FBXW7: variants seen among roughly 807,000 people sequenced by gnomAD.
FBXW7 encodes the protein F-box and WD repeat domain containing 7.
In FBXW7, 11 loss-of-function variants were observed where a neutral mutation model predicts 86.3. The ratio of observed to expected loss-of-function variants is 0.13; its 90% CI spans 0.08 to 0.21. FBXW7 has a LOEUF of 0.21. Ranked by LOEUF, FBXW7 falls within the 10% of genes least tolerant of loss-of-function variation. The probability of loss-of-function intolerance (pLI) is 1.00; values close to 1 mark genes in which losing one functional copy is unlikely to be tolerated. For missense variants in FBXW7, 488 were observed against 847.4 expected, an observed-to-expected ratio of 0.58 and a Z score of 5.27; for synonymous variants, 313 against 297.9, an observed-to-expected ratio of 1.05 and a Z score of -0.52.
intron 4 of FBXW7, among the ~76,000 whole-genome samples, chr4:152,410,478 T>A (rs1222333517): frequency 1.3e-5 from 2 of 152,150 alleles, no homozygotes; most frequent in African/African-American, 4.8e-5. Context: ...GCCAGCTAAA[T>A]AAAATCTGAC....
intron 4 of FBXW7, among the ~76,000 whole-genome samples, chr4:152,354,854 C>T (rs2126673668): frequency 6.6e-6 from 1 of 152,202 alleles, no homozygotes; most frequent in South Asian, 2.1e-4. Context: ...ACAAAAAATT[C>T]TACACTGAGA....
chr4:152,445,559 A>G (rs960287030), intron 2 of FBXW7, among the ~76,000 whole-genome samples: 15 of 152,314 alleles, frequency 9.8e-5, no homozygotes, highest in Middle Eastern at 3.4e-3. Flanking sequence ...CAGTTCTCTC[A>G]TCTTTAAAAA....
chr4:152,401,591 A>G (rs1455428260), intron 4 of FBXW7, among the ~76,000 whole-genome samples: 1 of 152,190 alleles, frequency 6.6e-6, no homozygotes, highest in African/African-American at 2.4e-5. Flanking sequence ...ACCATTCTCT[A>G]TGGTACTACA....
At chr4:152,371,615 A>T (rs1734011157) in intron 4 of FBXW7, among the ~76,000 whole-genome samples, 1 of 152,036 alleles carries the variant, frequency 6.6e-6, no homozygotes, top group African/African-American at 2.4e-5. Context: ...TCACCAAATG[A>T]TTTAGAAATG....
Position 152,320,625 on chromosome 4 carries a change from G to A in FBXW7, c.*2256C>T, listed in dbSNP as rs1728502665. ...AAATTTAGATTTGTTGAACAAAACG[G>A]CTACAGAACAGTCAGAAAGTACCAG... is the stretch of plus-strand genomic sequence containing the variant. On this transcript the variant is annotated 3_prime_UTR_variant, in exon 14 of 14. Coordinates refer to ENST00000281708, the MANE Select transcript of FBXW7 (RefSeq NM_001349798.2). 3 of 152,016 alleles carry A rather than the reference G, an allele frequency of 2.0e-5. No homozygotes were observed. The South Asian group carries it at 6.3e-4, about 32-fold the overall frequency. 9.4% of individuals were successfully genotyped at this position (152,016 alleles called of 1,614,324 possible).
intron 4 of FBXW7, among the ~76,000 whole-genome samples, chr4:152,397,971 C>T (rs1736569808): frequency 1.3e-5 from 2 of 151,942 alleles, no homozygotes; most frequent in Non-Finnish European, 2.9e-5. Flanking sequence ...CATACTTATA[C>T]TTCCAAAGCA....
At chr4:152,467,534 T>A (rs1298374515) in intron 2 of FBXW7, among the ~76,000 whole-genome samples, 2 of 152,182 alleles carry the variant, frequency 1.3e-5, no homozygotes, top group African/African-American at 2.4e-5. Context: ...TTCACAAGAC[T>A]AATATCAATA....
At chr4:152,485,163 AAAAG>A (rs1745232396) in intron 2 of FBXW7, among the ~76,000 whole-genome samples, 1 of 152,068 alleles carries the variant, frequency 6.6e-6, no homozygotes, top group Non-Finnish European at 1.5e-5. Context: ...AAAAAAGAGT[AAAAG>A]AAAAACATAT....
intron 6 of FBXW7, 69 bp from the exon 7 acceptor site, chr4:152,338,005 ACT>A (rs1730331945): frequency 6.8e-7 from 1 of 1,472,042 alleles, no homozygotes; most frequent in Admixed American, 2.1e-5. Context: ...ATAAAGGAAA[ACT>A]CACATCTACA....
intron 2 of FBXW7, among the ~76,000 whole-genome samples, chr4:152,419,497 ACACAC>A (rs1560874936): frequency 4.1e-4 from 60 of 145,220 alleles, no homozygotes; most frequent in South Asian, 6.5e-4. Context: ...TAAGGTAAAC[ACACAC>A]ACACACACAC....
chr4:152,347,118 A>G, intron 5 of FBXW7, 47 bp from the exon 6 acceptor site: 3 of 1,530,648 alleles, frequency 2.0e-6, no homozygotes, highest in Non-Finnish European at 2.7e-6. Context: ...AAGGAAAAAA[A>G]CAAAAGTGAA....
At chr4:152,491,498 G>A (rs562896413) in intron 2 of FBXW7, among the ~76,000 whole-genome samples, 1 of 152,250 alleles carries the variant, frequency 6.6e-6, no homozygotes, top group African/African-American at 2.4e-5. Context: ...TTCTGAATCA[G>A]AAAAGGCTTT....
At chr4:152,402,663 A>G (rs1465169321) in intron 4 of FBXW7, among the ~76,000 whole-genome samples, 1 of 152,192 alleles carries the variant, frequency 6.6e-6, no homozygotes, top group Non-Finnish European at 1.5e-5. Flanking sequence ...TCTCATCTCC[A>G]TTATGGGGTT....
At chr4:152,495,446 GA>G (rs940088772) in intron 2 of FBXW7, among the ~76,000 whole-genome samples, 3 of 147,736 alleles carry the variant, frequency 2.0e-5, no homozygotes, top group East Asian at 2.0e-4. Context: ...ACTCAAAAAG[GA>G]AAAAAAAAAT....
Position 152,326,621 on chromosome 4 carries a change from T to C in FBXW7, c.1419-390A>G, listed in dbSNP as rs143998340. On this transcript the variant is annotated intron_variant, in intron 11 of 13. Transcript: ENST00000281708. ...TGTTAATGTGGGCATATGTATAAAA[T>C]GTTAATGGGAGAACTCTAGGTGGTA... 2.4e-4 allele frequency among the ~76,000 whole-genome samples: 36 copies of C among 152,220 alleles called. No homozygotes were observed. The East Asian group carries it at 6.9e-3, about 29-fold the overall frequency.
In FBXW7 at chr4:152,350,134, A is replaced by G. The variant is rs1228118041; in HGVS notation, c.502-10T>C. On this transcript the variant is annotated splice_polypyrimidine_tract_variant and intron_variant, in intron 4 of 13. Transcript: ENST00000281708. ...CCAACTTTCTTTTCATCTATAAGGT[A>G]AAACAAACAAGATATGTTTTTTAAA... 3 of 1,497,974 alleles carry G rather than the reference A, an allele frequency of 2.0e-6. No homozygotes were observed. The highest frequency in any genetic ancestry group is 1.4e-5 in the African/African-American group (1 of 71,682). 92.8% of individuals were successfully genotyped at this position (1,497,974 alleles called of 1,614,324 possible). A position where few individuals can be genotyped will look rare whatever the true frequency, so the allele number is the denominator to read the frequency against.
At chr4:152,442,059 A>G (rs974421638) in intron 2 of FBXW7, among the ~76,000 whole-genome samples, 4 of 152,262 alleles carry the variant, frequency 2.6e-5, no homozygotes, top group Non-Finnish European at 5.9e-5. Context: ...ACAAAATTCA[A>G]GACATTTCCA....
chr4:152,466,638 T>C (rs1743467142), intron 2 of FBXW7, among the ~76,000 whole-genome samples: 1 of 151,054 alleles, frequency 6.6e-6, no homozygotes. Flanking sequence ...AACACCAAAA[T>C]ATCATTGCTT....
intron 2 of FBXW7, among the ~76,000 whole-genome samples, chr4:152,517,426 G>GA (rs1748596919): frequency 1.3e-5 from 2 of 152,116 alleles, no homozygotes; most frequent in African/African-American, 4.8e-5. Flanking sequence ...AAATGCCAAT[G>GA]AAAATAGCCA....
Sources: gnomAD v4.1 joint callset for allele counts (sites outside exome capture counted in the v4.1 genomes callset) on GRCh38, gnomAD v4.1.1 for gene constraint, MANE v1.5 for transcripts, NCBI Gene and HGNC (gene_info 2026-07-23, HGNC 2026-07-21) for gene names.